The following LRFN2 variants were observed in gnomAD, a reference collection of about 807,000 sequenced individuals.
The protein encoded by LRFN2 is leucine-rich repeat and fibronectin type-III domain-containing protein 2.
In LRFN2, 18 loss-of-function variants were observed where a neutral mutation model predicts 37.3. The observed-to-expected ratio is 0.48, with a 90% CI of 0.33 to 0.72. The LOEUF (loss-of-function observed/expected upper bound fraction) is 0.72. LRFN2 is among the 30% of genes least tolerant of loss of function. The pLI is 0.02. For missense variants in LRFN2, 1,006 were observed against 1,060.7 expected (o/e 0.95, Z 0.72); for synonymous variants, 556 against 466.6 (o/e 1.19, Z -2.47).
At chr6:40,409,836 C>T (rs1187544424) in intron 2 of LRFN2, among the ~76,000 whole-genome samples, 4 of 152,138 alleles carry the variant, frequency 2.6e-5, no homozygotes, top group South Asian at 2.1e-4. Context: ...TGGAGGCAGA[C>T]CCCCTGGTGA....
At chr6:40,418,354 C>T (rs1448681244) in intron 2 of LRFN2, among the ~76,000 whole-genome samples, 1 of 152,082 alleles carries the variant, frequency 6.6e-6, no homozygotes, top group Non-Finnish European at 1.5e-5. Flanking sequence ...TATTTTTCTT[C>T]CTCGTGTACA....
intron 1 of LRFN2, among the ~76,000 whole-genome samples, chr6:40,561,972 G>A (rs1312335091): frequency 1.3e-5 from 2 of 152,152 alleles, no homozygotes; most frequent in Non-Finnish European, 2.9e-5. Context: ...TCAGCCCCAC[G>A]GCCCCAGTGT....
intron 2 of LRFN2, among the ~76,000 whole-genome samples, chr6:40,394,062 TGGGG>T (rs1561836920): frequency 6.6e-6 from 1 of 152,234 alleles, no homozygotes; most frequent in Non-Finnish European, 1.5e-5. Flanking sequence ...CCAAGAAACC[TGGGG>T]GAAGAGTTTC....
intron 1 of LRFN2, among the ~76,000 whole-genome samples, chr6:40,586,572 T>C (rs1046148494): frequency 2.0e-5 from 3 of 151,978 alleles, no homozygotes. Context: ...AGGCCTTGCA[T>C]GTGCGGAGAT....
chr6:40,458,347 A>G (rs1169930374), intron 1 of LRFN2, among the ~76,000 whole-genome samples: 1 of 152,220 alleles, frequency 6.6e-6, no homozygotes, highest in Non-Finnish European at 1.5e-5. Flanking sequence ...CTCACACATT[A>G]GGGAGCAGGG....
At chr6:40,451,427 A>T (rs1466732358) in intron 1 of LRFN2, among the ~76,000 whole-genome samples, 1 of 152,042 alleles carries the variant, frequency 6.6e-6, no homozygotes, top group Non-Finnish European at 1.5e-5. Flanking sequence ...ATCTGGAGAG[A>T]CCCTAAAGCA....
intron 1 of LRFN2, among the ~76,000 whole-genome samples, chr6:40,464,825 A>G (rs1764424236): frequency 6.6e-6 from 1 of 152,084 alleles, no homozygotes; most frequent in African/African-American, 2.4e-5. Context: ...TAAGTACCCC[A>G]GCCTTCTCAC....
At chr6:40,440,821 C>T (rs1403991303) in intron 1 of LRFN2, among the ~76,000 whole-genome samples, 2 of 152,182 alleles carry the variant, frequency 1.3e-5, no homozygotes, top group Non-Finnish European at 2.9e-5. Context: ...GTATGTGGGC[C>T]TCCTTCCTTT....
At chr6:40,532,023 A>G (rs1331975648) in intron 1 of LRFN2, among the ~76,000 whole-genome samples, 1 of 152,208 alleles carries the variant, frequency 6.6e-6, no homozygotes, top group Non-Finnish European at 1.5e-5. Context: ...TCCTGCATAT[A>G]TGGAAGCTCA....
intron 1 of LRFN2, among the ~76,000 whole-genome samples, chr6:40,576,335 G>C (rs937622232): frequency 6.7e-5 from 10 of 149,156 alleles, no homozygotes; most frequent in African/African-American, 2.5e-4. Flanking sequence ...CAGATGGAGA[G>C]AGAGACAGAG....
chr6:40,411,682 CA>C (rs1055393569), intron 2 of LRFN2, among the ~76,000 whole-genome samples: 1 of 152,002 alleles, frequency 6.6e-6, no homozygotes. Context: ...GGGCCCTTCC[CA>C]CAGACCTCAG....
rs188880798 is a variant in LRFN2 at position 40,512,250 on chromosome 6, A to G, written c.-19+74691T>C. On this transcript the variant is annotated intron_variant, in intron 1 of 2. Transcript: ENST00000338305. ...AGGCCTCCAGTCTCCCTTTGCCTGC[A>G]CTTAGGGAGGTACTTACCCTCCCAT... is the stretch of plus-strand genomic sequence containing the variant. Among the ~76,000 whole-genome samples the G allele has an allele frequency of 7.2e-5, 11 of 152,230 alleles. 1 individual carries two copies. Among genetic ancestry groups the G allele is most frequent in the Admixed American group, 2.6e-4 (4 of 15,294 alleles).
At chr6:40,439,143 G>A (rs1378842109) in intron 1 of LRFN2, among the ~76,000 whole-genome samples, 3 of 152,112 alleles carry the variant, frequency 2.0e-5, no homozygotes, top group Admixed American at 6.5e-5. Flanking sequence ...GCAGATGGCT[G>A]GCACGATATA....
intron 1 of LRFN2, among the ~76,000 whole-genome samples, chr6:40,578,255 C>T (rs999607424): frequency 2.0e-5 from 3 of 152,296 alleles, no homozygotes; most frequent in Middle Eastern, 3.4e-3. Context: ...CTTCCTTCCC[C>T]ACCGTGGTTT....
intron 1 of LRFN2, chr6:40,523,972 GGGC>G (rs1315115336): frequency 1.1e-4 from 2 of 18,398 alleles, no homozygotes; most frequent in Non-Finnish European, 1.9e-4. Flanking sequence ...CTGCATAGAA[GGGC>G]AGGGGGAGGG....
chr6:40,487,737 A>T (rs1764997664), intron 1 of LRFN2, among the ~76,000 whole-genome samples: 1 of 152,248 alleles, frequency 6.6e-6, no homozygotes, highest in Non-Finnish European at 1.5e-5. Flanking sequence ...ACATGTCAGG[A>T]TGAAACCAAA....
At chr6:40,410,956 G>A (rs544479319) in intron 2 of LRFN2, among the ~76,000 whole-genome samples, 2 of 152,374 alleles carry the variant, frequency 1.3e-5, no homozygotes, top group Admixed American at 6.5e-5. Context: ...AAGTCTGGGA[G>A]CAGCCAGGGC....
intron 1 of LRFN2, among the ~76,000 whole-genome samples, chr6:40,577,826 A>G: frequency 1.0e-5 from 1 of 99,364 alleles, no homozygotes; most frequent in South Asian, 3.3e-4. Flanking sequence ...AAAAAAAATA[A>G]AAATAAATAA....
chr6:40,490,951 G>T (rs1289434227), intron 1 of LRFN2, among the ~76,000 whole-genome samples: 1 of 152,206 alleles, frequency 6.6e-6, no homozygotes, highest in East Asian at 1.9e-4. Context: ...GGCCTCACCT[G>T]TAAGGTGAGG....
Sources: allele counts gnomAD v4.1 joint callset (sites outside exome capture counted in the v4.1 genomes callset), GRCh38; gene constraint gnomAD v4.1.1; transcripts MANE v1.5; gene names NCBI Gene and HGNC (gene_info 2026-07-23, HGNC 2026-07-21).